AHI1: variants seen among roughly 807,000 people sequenced by gnomAD.
AHI1 encodes Abelson helper integration site 1.
AHI1 carries 123 observed loss-of-function variants against 149.3 expected under a neutral mutation model. That is an observed-to-expected ratio of 0.82 (90% CI 0.71 to 0.96). The LOEUF is 0.96. AHI1 is among the 40% of genes least tolerant of loss of function. The pLI is 0.00. For synonymous variants in AHI1, 475 were observed against 459.8 expected (o/e 1.03, Z -0.42); for missense variants, 1,439 against 1,422.7 (o/e 1.01, Z -0.18).
intron 25 of AHI1, among the ~76,000 whole-genome samples, chr6:135,321,211 C>T (rs979866626): frequency 5.9e-5 from 9 of 151,834 alleles, no homozygotes; most frequent in Admixed American, 6.6e-5. Context: ...TTTAGTGAGC[C>T]GTGACTGCAT....
At chr6:135,363,584 G>C (rs1794278510) in intron 23 of AHI1, among the ~76,000 whole-genome samples, 1 of 151,648 alleles carries the variant, frequency 6.6e-6, no homozygotes, top group Non-Finnish European at 1.5e-5. Flanking sequence ...AGACGGGGTG[G>C]TGGCCGGGCA....
rs1583199499 is a variant in AHI1, at chr6:135,431,219, T to C, written c.2362A>G (p.Thr788Ala). ...NDLEHSVHHWTINKEIKETEF... is the reference protein window; with the variant it reads ...NDLEHSVHHWAINKEIKETEF... ...ATATGATTTTATACCTTATTTATAGTCCAGTGGTGCACTGAATGTTCCAAA... is the reference window on the plus strand; with the variant it reads ...ATATGATTTTATACCTTATTTATAGCCCAGTGGTGCACTGAATGTTCCAAA... The change falls in exon 17 of 29, where the codon ACT becomes GCT. Residue 788 changes from threonine (T) to alanine (A), a missense_variant. By Grantham distance (58) the Thr-to-Ala change is moderately conservative. Coordinates refer to ENST00000265602, the MANE Select transcript of AHI1 (RefSeq NM_001134831.2). 6.3e-7 allele frequency: 1 copy of C among 1,589,024 alleles called. No homozygotes were observed. Among genetic ancestry groups the C allele is most frequent in the Non-Finnish European group, 8.6e-7 (1 of 1,162,868 alleles).
Position 135,290,536 on chromosome 6 carries a change from G to C in AHI1, c.3486-11C>G, listed in dbSNP as rs776286276. The C allele has an allele frequency of 6.2e-7, 1 of 1,613,358 alleles. No homozygotes were observed. The highest frequency in any genetic ancestry group is 8.5e-7 in the Non-Finnish European group (1 of 1,179,654). On this transcript the variant is annotated splice_polypyrimidine_tract_variant and intron_variant, in intron 27 of 28. Transcript: ENST00000265602. ...TTTCTCATTTCAGAACTATAGGAGG[G>C]AAAGATCAGAAACAAGGAGCCAGTA... is the stretch of plus-strand genomic sequence containing the variant.
intron 5 of AHI1, among the ~76,000 whole-genome samples, chr6:135,480,395 C>G (rs1421591729): frequency 1.3e-5 from 2 of 151,944 alleles, no homozygotes; most frequent in East Asian, 1.9e-4. Context: ...GAGGTGAAGG[C>G]TGCAGTGAGC....
chr6:135,396,372 T>C (rs1041520779), intron 22 of AHI1, among the ~76,000 whole-genome samples: 11 of 151,804 alleles, frequency 7.2e-5, no homozygotes, highest in African/African-American at 2.7e-4. Context: ...AAATAATATC[T>C]ATACTTCAAT....
intron 14 of AHI1, among the ~76,000 whole-genome samples, chr6:135,441,066 A>G (rs1786222337): frequency 6.6e-6 from 1 of 152,050 alleles, no homozygotes; most frequent in Non-Finnish European, 1.5e-5. Flanking sequence ...TCTAAAGAAA[A>G]CTATATCTAA....
At chr6:135,325,252 C>T (rs1350152311) in intron 24 of AHI1, among the ~76,000 whole-genome samples, 1 of 152,170 alleles carries the variant, frequency 6.6e-6, no homozygotes, top group African/African-American at 2.4e-5. Flanking sequence ...GTTTCGAACT[C>T]CTGACCTCAG....
intron 21 of AHI1, among the ~76,000 whole-genome samples, chr6:135,410,947 A>T (rs1781495177): frequency 6.6e-6 from 1 of 152,122 alleles, no homozygotes; most frequent in Admixed American, 6.5e-5. Context: ...GGTTCAAGTG[A>T]TTCTTGTGCC....
At chr6:135,340,233 G>A (rs974308988) in intron 24 of AHI1, among the ~76,000 whole-genome samples, 6 of 152,082 alleles carry the variant, frequency 3.9e-5, no homozygotes, top group African/African-American at 7.2e-5. Context: ...TTAGCTGGGC[G>A]TGGTGGCACA....
intron 15 of AHI1, 30 bp from the exon 16 acceptor site, chr6:135,433,286 T>A (rs1784921742): frequency 6.7e-7 from 1 of 1,491,364 alleles, no homozygotes; most frequent in Non-Finnish European, 9.2e-7. Context: ...TACATATTGC[T>A]TCTGAAAAGC....
chr6:135,433,243 C>G lies in AHI1; in HGVS notation c.2050G>C (p.Glu684Gln). 1 of 1,599,262 alleles carries G rather than the reference C, an allele frequency of 6.3e-7. No individual in the cohort carries two copies. The part of the protein sequence containing the change: ...SDGTARIWKN[E>Q]INNTNTFRVL... ...CTGAAAGTATTTGTATTGTTTATTT[C>G]ATTTTTCCATATCCTGGAAAAGGAT... Residue 684 changes from glutamate to glutamine, a missense_variant, in exon 16 of 29, where the codon GAA (glutamate) becomes CAA (glutamine). Transcript: ENST00000265602.
intron 26 of AHI1, among the ~76,000 whole-genome samples, chr6:135,311,301 CAAAAA>C (rs35950731): frequency 5.0e-5 from 4 of 79,940 alleles, no homozygotes; most frequent in Non-Finnish European, 7.1e-5. Context: ...GACCCCGCCT[CAAAAA>C]AAAAAAAAAA....
chr6:135,358,544 A>G (rs1352314951), intron 23 of AHI1, among the ~76,000 whole-genome samples: 1 of 152,206 alleles, frequency 6.6e-6, no homozygotes, highest in African/African-American at 2.4e-5. Flanking sequence ...GAAGTTTTTA[A>G]AAAGAAGTAT....
chr6:135,479,492 A>G (rs990833974), intron 5 of AHI1, among the ~76,000 whole-genome samples: 3 of 152,240 alleles, frequency 2.0e-5, no homozygotes, highest in African/African-American at 7.2e-5. Context: ...CATGGGGCCT[A>G]TAGCCCCTTT....
chr6:135,288,067 C>T (rs35943111), intron 28 of AHI1, among the ~76,000 whole-genome samples: 3 of 151,958 alleles, frequency 2.0e-5, no homozygotes, highest in African/African-American at 4.8e-5. Context: ...TGCAGTCCAG[C>T]CTGGGCAACA....
chr6:135,452,814 T>C (rs1051035097), intron 11 of AHI1, among the ~76,000 whole-genome samples: 3 of 152,142 alleles, frequency 2.0e-5, no homozygotes, highest in African/African-American at 7.2e-5. Flanking sequence ...GCATATATTG[T>C]ACCCTCTACC....
chr6:135,424,622 A>C (rs1783680916), intron 20 of AHI1, among the ~76,000 whole-genome samples: 1 of 152,066 alleles, frequency 6.6e-6, no homozygotes, highest in Non-Finnish European at 1.5e-5. Context: ...GCAAAAAGTC[A>C]GTAGAATGAA....
chr6:135,356,149 TAAA>T (rs1188936856), intron 24 of AHI1, among the ~76,000 whole-genome samples: 1 of 152,202 alleles, frequency 6.6e-6, no homozygotes, highest in Non-Finnish European at 1.5e-5. Flanking sequence ...TCAGCTATTC[TAAA>T]ATCCTGGCCC....
intron 12 of AHI1, 91 bp downstream of exon 12, chr6:135,448,199 G>A: frequency 1.2e-6 from 1 of 838,872 alleles, no homozygotes; most frequent in Non-Finnish European, 1.7e-6. Context: ...TATTATTAGA[G>A]GCCTTATCTT....
Sources: gnomAD v4.1 joint callset for allele counts (sites outside exome capture counted in the v4.1 genomes callset) on GRCh38, gnomAD v4.1.1 for gene constraint, MANE v1.5 for transcripts, NCBI Gene and HGNC (gene_info 2026-07-23, HGNC 2026-07-21) for gene names.